The following ATXN1 variants were observed in gnomAD, a reference collection of about 807,000 sequenced individuals.
ATXN1 encodes the protein ataxin 1.
ATXN1 carries 8 observed loss-of-function variants against 56.4 expected under a neutral mutation model. The observed-to-expected ratio is 0.14, with a 90% CI of 0.08 to 0.26. The LOEUF (loss-of-function observed/expected upper bound fraction) is 0.26, where lower values mean the gene tolerates loss of function less well. Ranked by LOEUF, ATXN1 falls within the 10% of genes least tolerant of loss-of-function variation. The pLI is 1.00. For missense variants in ATXN1, 987 were observed against 1,106.5 expected (o/e 0.89, Z 1.53); for synonymous variants, 514 against 494.6 (o/e 1.04, Z -0.52).
chr6:16,370,882 G>A (rs1364615788), intron 6 of ATXN1, among the ~76,000 whole-genome samples: 1 of 152,172 alleles, frequency 6.6e-6, no homozygotes, highest in Admixed American at 6.5e-5. Context: ...TTGGCAAATG[G>A]TAAGGAATTT....
At chr6:16,708,443 T>A (rs1215598880) in intron 2 of ATXN1, among the ~76,000 whole-genome samples, 3 of 152,146 alleles carry the variant, frequency 2.0e-5, no homozygotes, top group Non-Finnish European at 1.5e-5. Context: ...GGAAATAAAA[T>A]GGAAATACAA....
intron 6 of ATXN1, among the ~76,000 whole-genome samples, chr6:16,366,780 G>GAA (rs770284096): frequency 5.1e-5 from 5 of 98,446 alleles, no homozygotes; most frequent in East Asian, 3.0e-4. Context: ...GACTCTGTCT[G>GAA]AAAAAAAAAA....
At chr6:16,670,759 A>T (rs572950717) in intron 2 of ATXN1, among the ~76,000 whole-genome samples, 1 of 152,324 alleles carries the variant, frequency 6.6e-6, no homozygotes, top group East Asian at 1.9e-4. Flanking sequence ...AAATAAAATG[A>T]TTTTGGATAT....
chr6:16,491,280 T>A (rs9396679), intron 5 of ATXN1, among the ~76,000 whole-genome samples: 14,526 of 110,048 alleles, frequency 0.13, 946 homozygotes, highest in East Asian at 0.23. Context: ...TATTATTATT[T>A]TTTTTTTTTT....
At position 16,700,617 on chromosome 6, in the gene ATXN1, C is replaced by A. The variant is rs538204387; in HGVS notation, c.-614-42716G>T. Among the ~76,000 whole-genome samples the A allele has an allele frequency of 1.4e-3, 209 of 152,224 alleles. 1 individual carries two copies. Among genetic ancestry groups the A allele is most frequent in the African/African-American group, 4.9e-3 (202 of 41,530 alleles). ...TTCCTGCCGCGGTTGCCATGGCCGA[C>A]CCAAACAATATACCCCAGCTTCAGC... On this transcript the variant is annotated intron_variant, in intron 2 of 7. Transcript: ENST00000436367.
chr6:16,347,082 G>A (rs1374212863), intron 6 of ATXN1, among the ~76,000 whole-genome samples: 1 of 152,230 alleles, frequency 6.6e-6, no homozygotes, highest in Non-Finnish European at 1.5e-5. Context: ...CTGGCGGGCA[G>A]GGCTCGGGAC....
At chr6:16,347,228 G>GC (rs917111592) in intron 6 of ATXN1, among the ~76,000 whole-genome samples, 1 of 152,268 alleles carries the variant, frequency 6.6e-6, no homozygotes, top group Non-Finnish European at 1.5e-5. Context: ...GAGTGCGGGC[G>GC]CACGGCACTG....
intron 2 of ATXN1, among the ~76,000 whole-genome samples, chr6:16,734,501 G>A (rs1025380828): frequency 2.0e-5 from 3 of 152,118 alleles, no homozygotes; most frequent in African/African-American, 7.2e-5. Flanking sequence ...GTGTACTTTC[G>A]TGAAAAATAT....
At chr6:16,735,484 G>A (rs1489309015) in intron 2 of ATXN1, among the ~76,000 whole-genome samples, 5 of 152,182 alleles carry the variant, frequency 3.3e-5, no homozygotes, top group Non-Finnish European at 5.9e-5. Flanking sequence ...CAAATGAATG[G>A]AGGAAACAAA....
At chr6:16,426,979 A>T in intron 6 of ATXN1, among the ~76,000 whole-genome samples, 1 of 152,000 alleles carries the variant, frequency 6.6e-6, no homozygotes, top group Non-Finnish European at 1.5e-5. Flanking sequence ...AATGCCGCTC[A>T]CCTAAAGCCC....
At chr6:16,573,349 A>C (rs1762365665) in intron 4 of ATXN1, among the ~76,000 whole-genome samples, 1 of 152,152 alleles carries the variant, frequency 6.6e-6, no homozygotes, top group Non-Finnish European at 1.5e-5. Context: ...CCATTCTCCA[A>C]ATCCAACAAT....
chr6:16,639,550 G>A (rs1232215913), intron 3 of ATXN1, among the ~76,000 whole-genome samples: 1 of 152,194 alleles, frequency 6.6e-6, no homozygotes, highest in African/African-American at 2.4e-5. Context: ...CCAACCTCAG[G>A]TGATTCGCCT....
chr6:16,666,021 A>G lies in ATXN1; in HGVS notation c.-614-8120T>C, dbSNP rs529263004. Among the ~76,000 whole-genome samples the G allele has an allele frequency of 7.2e-5, 11 of 152,334 alleles. No individual in the cohort carries two copies. In the South Asian group the frequency reaches 1.9e-3, roughly 26 times the overall value. On this transcript the variant is annotated intron_variant, in intron 2 of 7. Transcript: ENST00000436367. ...TTCATTCCTCTAGTTATTTTGAAAT[A>G]TACAATAAGTTATTGTTAACTATTG...
At chr6:16,417,779 G>A (rs191606593) in intron 6 of ATXN1, among the ~76,000 whole-genome samples, 62 of 151,948 alleles carry the variant, frequency 4.1e-4, no homozygotes, top group African/African-American at 1.2e-3. Flanking sequence ...CTCAGCATAC[G>A]AACACTGTAT....
Position 16,299,758 on chromosome 6 carries a change from A to C in ATXN1, c.*6571T>G, listed in dbSNP as rs900869321. On this transcript the variant is annotated 3_prime_UTR_variant, in exon 8 of 8. Coordinates refer to ENST00000436367, the MANE Select transcript of ATXN1 (RefSeq NM_001128164.2). The stretch of plus-strand genomic sequence containing the variant: ...GGTCACCACAAATACTGACAGGACT[A>C]TCTTGAAACCTCCTTTCGGCTGACA... 1 of 152,690 alleles carries C rather than the reference A, an allele frequency of 6.5e-6. No individual in the cohort carries two copies. The allele number at this position is 152,690 out of a possible 1,614,324, so 9.5% of individuals were successfully genotyped here.
chr6:16,440,554 T>A (rs1047072970), intron 6 of ATXN1, among the ~76,000 whole-genome samples: 1 of 149,064 alleles, frequency 6.7e-6, no homozygotes, highest in Non-Finnish European at 1.5e-5. Flanking sequence ...GGTGGGATGA[T>A]TGCTTGAACC....
intron 2 of ATXN1, among the ~76,000 whole-genome samples, chr6:16,675,655 C>T (rs980465314): frequency 3.9e-5 from 6 of 151,972 alleles, no homozygotes; most frequent in Non-Finnish European, 5.9e-5. Flanking sequence ...CTGAGGCTGG[C>T]GGATCATTTG....
chr6:16,497,483 T>C (rs972951213), intron 5 of ATXN1, among the ~76,000 whole-genome samples: 1 of 152,184 alleles, frequency 6.6e-6, no homozygotes, highest in Non-Finnish European at 1.5e-5. Flanking sequence ...TATCCAAAGT[T>C]AAAAGCACTT....
chr6:16,488,832 A>G (rs1760601434), intron 5 of ATXN1, among the ~76,000 whole-genome samples: 1 of 152,172 alleles, frequency 6.6e-6, no homozygotes, highest in Non-Finnish European at 1.5e-5. Context: ...TCCACATTCA[A>G]AGTCTCAGAG....
Sources: allele counts gnomAD v4.1 joint callset (sites outside exome capture counted in the v4.1 genomes callset), GRCh38; gene constraint gnomAD v4.1.1; transcripts MANE v1.5; gene names NCBI Gene and HGNC (gene_info 2026-07-23, HGNC 2026-07-21).